Variants in NRXN3 observed in about 807,000 individuals in gnomAD.
NRXN3 encodes the protein neurexin 3, also known as neurexin III.
Under a neutral mutation model 137.6 loss-of-function variants are expected in NRXN3, and 32 were observed. That is an observed-to-expected ratio of 0.23 (90% CI 0.18 to 0.31). The LOEUF is 0.31. Ranked by LOEUF, NRXN3 falls within the 10% of genes least tolerant of loss-of-function variation. The pLI, the probability that NRXN3 is intolerant of heterozygous loss-of-function variation, is 1.00. For missense variants in NRXN3, 1,574 were observed against 2,062.5 expected, an observed-to-expected ratio of 0.76 and a Z score of 4.59; for synonymous variants, 798 against 784.5, an observed-to-expected ratio of 1.02 and a Z score of -0.29.
rs949091401 is a variant in NRXN3 at position 78,391,308 on chromosome 14, A to G, written c.757+93448A>G. On this transcript the variant is annotated intron_variant, in intron 4 of 20. Transcript: ENST00000335750. ...AGGTATGAGCTCATGAAAGGCAACA[A>G]TGTTTACTAAGAAGGTTAATTCTTC... is the stretch of plus-strand genomic sequence containing the variant. Among the ~76,000 whole-genome samples the G allele has an allele frequency of 5.9e-5, 9 of 152,160 alleles. No homozygotes were observed. The South Asian group carries it at 6.2e-4, about 11-fold the overall frequency.
intron 15 of NRXN3, among the ~76,000 whole-genome samples, chr14:79,132,244 CTGGA>C (rs1326397986): frequency 6.6e-6 from 1 of 152,216 alleles, no homozygotes; most frequent in Non-Finnish European, 1.5e-5. Context: ...AATTCAGTCA[CTGGA>C]AGACATAAGT....
intron 15 of NRXN3, among the ~76,000 whole-genome samples, chr14:79,190,233 C>T (rs561959099): frequency 1.3e-5 from 2 of 151,844 alleles, no homozygotes; most frequent in East Asian, 1.9e-4. Context: ...TTTTAATCAT[C>T]ATCAGGCTAT....
chr14:78,599,312 T>G (rs2097184128), intron 4 of NRXN3, among the ~76,000 whole-genome samples: 3 of 152,256 alleles, frequency 2.0e-5, no homozygotes, highest in Non-Finnish European at 4.4e-5. Flanking sequence ...AGAATGCAAC[T>G]TATGCTGGCA....
chr14:79,043,184 G>A (rs1398999421), intron 15 of NRXN3, among the ~76,000 whole-genome samples: 2 of 152,170 alleles, frequency 1.3e-5, no homozygotes, highest in East Asian at 1.9e-4. Context: ...CAAGTGAATT[G>A]GTTAATAAGC....
intron 8 of NRXN3, among the ~76,000 whole-genome samples, chr14:78,723,476 C>G (rs1055144735): frequency 1.3e-5 from 2 of 152,222 alleles, no homozygotes; most frequent in African/African-American, 2.4e-5. Flanking sequence ...CATCTTGAAT[C>G]AGTGGGAGAT....
intron 17 of NRXN3, among the ~76,000 whole-genome samples, chr14:79,670,764 G>C (rs540409780): frequency 3.4e-4 from 51 of 152,214 alleles, no homozygotes; most frequent in African/African-American, 1.1e-3. Context: ...ATACCTTAAA[G>C]CATTGCATGA....
chr14:79,011,443 A>C (rs1446205823), intron 15 of NRXN3, among the ~76,000 whole-genome samples: 3 of 148,976 alleles, frequency 2.0e-5, no homozygotes, highest in Non-Finnish European at 4.5e-5. Context: ...AAAAAAAAAA[A>C]AAAACAATTC....
At chr14:78,868,649 A>G (rs1440690543) in intron 10 of NRXN3, among the ~76,000 whole-genome samples, 1 of 151,880 alleles carries the variant, frequency 6.6e-6, no homozygotes, top group African/African-American at 2.4e-5. Flanking sequence ...GAGAAACCCC[A>G]TCTCTACTAA....
At chr14:78,784,657 C>T (rs372841989) in intron 8 of NRXN3, among the ~76,000 whole-genome samples, 2 of 152,146 alleles carry the variant, frequency 1.3e-5, no homozygotes, top group South Asian at 2.1e-4. Context: ...ATTGTTCTGG[C>T]TGCCATGTGG....
rs370846186 is a variant in NRXN3 at position 78,372,553 on chromosome 14, C to T, written c.757+74693C>T. ...TGTTGGCCAGGCTGGTCTCCCACTC[C>T]TGACCTCAAGTGATCCACCTACCTT... On this transcript the variant is annotated intron_variant, in intron 4 of 20. Transcript: ENST00000335750. Among the ~76,000 whole-genome samples the T allele has an allele frequency of 2.6e-5, 4 of 152,256 alleles. No individual in the cohort carries two copies. In the East Asian group the frequency reaches 7.7e-4, roughly 29 times the overall value.
intron 15 of NRXN3, among the ~76,000 whole-genome samples, chr14:79,079,345 T>G (rs935560682): frequency 2.0e-5 from 3 of 152,200 alleles, no homozygotes; most frequent in African/African-American, 7.2e-5. Context: ...TTTCTCATTT[T>G]AAAATAACAA....
chr14:78,505,805 A>G (rs1180370576), intron 4 of NRXN3, among the ~76,000 whole-genome samples: 2 of 150,706 alleles, frequency 1.3e-5, no homozygotes, highest in Non-Finnish European at 3.0e-5. Flanking sequence ...ATATTTTTTG[A>G]AAGTTTTTCT....
chr14:78,602,839 G>A (rs1168995665), intron 4 of NRXN3, among the ~76,000 whole-genome samples: 2 of 152,124 alleles, frequency 1.3e-5, no homozygotes, highest in Non-Finnish European at 2.9e-5. Flanking sequence ...CTTTGCTACT[G>A]GGTCAGAGAG....
intron 15 of NRXN3, among the ~76,000 whole-genome samples, chr14:79,057,114 G>A (rs1434426930): frequency 1.3e-5 from 2 of 152,184 alleles, no homozygotes; most frequent in Non-Finnish European, 2.9e-5. Flanking sequence ...TCTCAAGTGG[G>A]TAACCAAATG....
intron 10 of NRXN3, among the ~76,000 whole-genome samples, chr14:78,918,267 A>G (rs2099261515): frequency 6.9e-6 from 1 of 144,246 alleles, no homozygotes; most frequent in African/African-American, 2.6e-5. Context: ...CGTGGGCAAC[A>G]AGAGCGAAAC....
intron 16 of NRXN3, among the ~76,000 whole-genome samples, chr14:79,516,912 T>G (rs2096991687): frequency 6.6e-6 from 1 of 152,234 alleles, no homozygotes; most frequent in South Asian, 2.1e-4. Context: ...CTTTACTGTT[T>G]GCAGTTACAA....
At chr14:78,177,202 A>C (rs1215460196) in intron 1 of NRXN3, among the ~76,000 whole-genome samples, 1 of 152,168 alleles carries the variant, frequency 6.6e-6, no homozygotes, top group African/African-American at 2.4e-5. Context: ...GAAGGGAAGC[A>C]TGAATCCAGA....
Position 79,858,355 on chromosome 14 carries a change from T to G in NRXN3, c.4094-2987T>G, listed in dbSNP as rs575605442. Among the ~76,000 whole-genome samples, 5 of 152,214 alleles carry G rather than the reference T, an allele frequency of 3.3e-5. No homozygotes were observed. The South Asian group carries it at 8.3e-4, about 25-fold the overall frequency. On this transcript the variant is annotated intron_variant, in intron 20 of 20. Transcript: ENST00000335750. ...TAAGACTCCGGTTGGGTGTCACAGA[T>G]GGTACACTAAAATTGCAAATGAATG...
intron 19 of NRXN3, among the ~76,000 whole-genome samples, chr14:79,787,788 A>T (rs1056214064): frequency 6.6e-6 from 1 of 151,974 alleles, no homozygotes; most frequent in South Asian, 2.1e-4. Context: ...TATCACATTT[A>T]AAAAATTTTA....
Sources: gnomAD v4.1 joint callset for allele counts (sites outside exome capture counted in the v4.1 genomes callset) on GRCh38, gnomAD v4.1.1 for gene constraint, MANE v1.5 for transcripts, NCBI Gene and HGNC (gene_info 2026-07-23, HGNC 2026-07-21) for gene names.